The following FSTL5 variants were observed in gnomAD, a reference collection of about 807,000 sequenced individuals.
The protein encoded by FSTL5 is follistatin like 5.
FSTL5 carries 62 observed loss-of-function variants against 89.1 expected under a neutral mutation model. That is an observed-to-expected ratio of 0.70 (90% CI 0.57 to 0.86). The LOEUF is 0.86. Among genes scored for constraint, FSTL5 ranks in the 40% least tolerant of loss-of-function variants. The probability of loss-of-function intolerance (pLI) is 0.00; values close to 1 mark genes in which losing one functional copy is unlikely to be tolerated. For missense variants in FSTL5, 1,057 were observed against 1,001.6 expected, an observed-to-expected ratio of 1.06 and a Z score of -0.75; for synonymous variants, 383 against 346.2, an observed-to-expected ratio of 1.11 and a Z score of -1.18.
chr4:161,435,893 C>T (rs534447956), intron 15 of FSTL5, among the ~76,000 whole-genome samples: 75 of 152,070 alleles, frequency 4.9e-4, no homozygotes, highest in Non-Finnish European at 8.7e-4. Context: ...GGACTTCCCC[C>T]CAAAGAACTA....
intron 7 of FSTL5, among the ~76,000 whole-genome samples, chr4:161,617,276 A>C (rs1463248469): frequency 6.6e-6 from 1 of 152,168 alleles, no homozygotes; most frequent in East Asian, 1.9e-4. Context: ...TGGTGATGTC[A>C]CAAAGATATG....
chr4:161,968,198 C>T (rs916822880), intron 3 of FSTL5, among the ~76,000 whole-genome samples: 4 of 151,778 alleles, frequency 2.6e-5, no homozygotes, highest in Non-Finnish European at 4.4e-5. Context: ...ATGTGAAATA[C>T]AAGGAAATTT....
intron 2 of FSTL5, among the ~76,000 whole-genome samples, chr4:162,063,737 A>C (rs1738797313): frequency 6.6e-6 from 1 of 151,908 alleles, no homozygotes; most frequent in South Asian, 2.1e-4. Flanking sequence ...CAAACTCCTT[A>C]TTTTGATTGA....
At chr4:161,789,221 A>T (rs368030384) in intron 4 of FSTL5, among the ~76,000 whole-genome samples, 5 of 151,936 alleles carry the variant, frequency 3.3e-5, no homozygotes, top group Admixed American at 2.0e-4. Context: ...ATGGTAACTT[A>T]TGATTGTCAT....
intron 3 of FSTL5, among the ~76,000 whole-genome samples, chr4:162,014,335 A>T (rs1736855183): frequency 6.6e-6 from 1 of 152,250 alleles, no homozygotes; most frequent in Admixed American, 6.5e-5. Flanking sequence ...GAGTCCAAGC[A>T]TGCTACATAA....
At chr4:161,976,639 G>T (rs1221678064) in intron 3 of FSTL5, among the ~76,000 whole-genome samples, 2 of 151,984 alleles carry the variant, frequency 1.3e-5, no homozygotes, top group African/African-American at 4.8e-5. Flanking sequence ...CCGCCACCAC[G>T]CCTGGCTAAT....
intron 3 of FSTL5, among the ~76,000 whole-genome samples, chr4:161,960,366 A>C (rs945139118): frequency 6.6e-6 from 1 of 151,400 alleles, no homozygotes; most frequent in Non-Finnish European, 1.5e-5. Flanking sequence ...AGTAGAGATG[A>C]GGCTTCACCA....
intron 1 of FSTL5, among the ~76,000 whole-genome samples, chr4:162,130,032 A>T (rs1732235372): frequency 6.6e-6 from 1 of 152,202 alleles, no homozygotes; most frequent in African/African-American, 2.4e-5. Context: ...AGAGGGATAA[A>T]GTCCACATAG....
intron 13 of FSTL5, among the ~76,000 whole-genome samples, chr4:161,473,153 TTGTC>T (rs1734007542): frequency 6.6e-6 from 1 of 152,182 alleles, no homozygotes; most frequent in Non-Finnish European, 1.5e-5. Context: ...TATTCTGTAT[TTGTC>T]TGTTAGATCT....
intron 3 of FSTL5, among the ~76,000 whole-genome samples, chr4:162,005,832 C>G (rs1444165867): frequency 6.6e-6 from 1 of 152,058 alleles, no homozygotes; most frequent in African/African-American, 2.4e-5. Flanking sequence ...AGGAACTTTC[C>G]AAGGAAATAA....
intron 3 of FSTL5, among the ~76,000 whole-genome samples, chr4:161,982,184 G>T (rs762916079): frequency 1.3e-5 from 2 of 152,148 alleles, no homozygotes; most frequent in Non-Finnish European, 2.9e-5. Context: ...ATAGCAACTT[G>T]TTGAGCCCTG....
In FSTL5 at chr4:161,899,620, C is replaced by T. The variant is rs570886176; in HGVS notation, c.409+20784G>A. On this transcript the variant is annotated intron_variant, in intron 4 of 15. Coordinates refer to ENST00000306100, the MANE Select transcript of FSTL5 (RefSeq NM_020116.5). ...TATCTACTATGTGTCAGATATTATT[C>T]TAGGATTTGAAAATATAGTGATGAA... Among the ~76,000 whole-genome samples, 6 of 152,222 alleles carry T rather than the reference C, an allele frequency of 3.9e-5. No homozygotes were observed. The East Asian group carries it at 1.2e-3, about 29-fold the overall frequency.
intron 6 of FSTL5, among the ~76,000 whole-genome samples, chr4:161,757,641 CAG>C (rs1009574419): frequency 6.6e-5 from 10 of 152,106 alleles, no homozygotes; most frequent in African/African-American, 2.2e-4. Flanking sequence ...TTTTTGGAGA[CAG>C]AGTCTCACTC....
At chr4:161,787,231 T>C (rs773783514) in intron 4 of FSTL5, among the ~76,000 whole-genome samples, 1 of 152,052 alleles carries the variant, frequency 6.6e-6, no homozygotes, top group Non-Finnish European at 1.5e-5. Flanking sequence ...TGGAATATCC[T>C]GGTAGAGGCC....
intron 3 of FSTL5, among the ~76,000 whole-genome samples, chr4:162,012,375 T>A (rs1238555252): frequency 6.6e-6 from 1 of 152,242 alleles, no homozygotes; most frequent in Admixed American, 6.5e-5. Context: ...ATTAGAATTT[T>A]ATTCTTTTGC....
At chr4:161,922,425 A>G (rs1579195965) in intron 3 of FSTL5, among the ~76,000 whole-genome samples, 1 of 151,992 alleles carries the variant, frequency 6.6e-6, no homozygotes, top group Non-Finnish European at 1.5e-5. Context: ...AAAATTTAAA[A>G]AACTTAGCAA....
chr4:161,604,716 G>A (rs1353509432), intron 7 of FSTL5, among the ~76,000 whole-genome samples: 3 of 152,094 alleles, frequency 2.0e-5, no homozygotes, highest in Non-Finnish European at 4.4e-5. Context: ...GCCACTCATC[G>A]TGTTATTGGG....
At chr4:161,952,495 G>C (rs1450627182) in intron 3 of FSTL5, among the ~76,000 whole-genome samples, 4 of 151,986 alleles carry the variant, frequency 2.6e-5, no homozygotes, top group African/African-American at 9.6e-5. Context: ...TTCAAAATAT[G>C]TCTGAAATTT....
At chr4:161,615,623 T>A (rs1477705261) in intron 7 of FSTL5, among the ~76,000 whole-genome samples, 1 of 151,990 alleles carries the variant, frequency 6.6e-6, no homozygotes, top group Admixed American at 6.6e-5. Flanking sequence ...AAATTATAAC[T>A]TTTTTCTCCT....
Sources: allele counts gnomAD v4.1 joint callset (sites outside exome capture counted in the v4.1 genomes callset), GRCh38; gene constraint gnomAD v4.1.1; transcripts MANE v1.5; gene names NCBI Gene and HGNC (gene_info 2026-07-23, HGNC 2026-07-21).